The following SLC38A8 variants were observed in gnomAD, a reference collection of about 807,000 sequenced individuals.
The protein encoded by SLC38A8 is solute carrier family 38 member 8.
SLC38A8 carries 65 observed loss-of-function variants against 46.0 expected under a neutral mutation model. The observed-to-expected ratio is 1.41, with a 90% CI of 1.16 to 1.74. The LOEUF is 1.74. Among genes scored for constraint, SLC38A8 ranks in the 40% most tolerant of loss-of-function variants. The pLI is 0.00. For synonymous variants in SLC38A8, 447 were observed against 243.7 expected (o/e 1.83, Z -7.77); for missense variants, 998 against 567.9 (o/e 1.76, Z -7.70).
intron 7 of SLC38A8, 87 bp from the exon 8 acceptor site, chr16:84,017,374 T>TAC: frequency 6.7e-7 from 1 of 1,498,342 alleles, no homozygotes; most frequent in South Asian, 1.2e-5. Context: ...CGCCTGGCTT[T>TAC]ACCACCTAAG....
At chr16:84,019,082 A>C (rs979558100) in intron 7 of SLC38A8, among the ~76,000 whole-genome samples, 1 of 151,866 alleles carries the variant, frequency 6.6e-6, no homozygotes, top group Non-Finnish European at 1.5e-5. Flanking sequence ...TCTCCAAAAA[A>C]AATTTTTTTT....
intron 7 of SLC38A8, among the ~76,000 whole-genome samples, chr16:84,018,479 A>G (rs1414162471): frequency 6.6e-6 from 1 of 151,966 alleles, no homozygotes; most frequent in African/African-American, 2.4e-5. Flanking sequence ...CTGGCCTCCC[A>G]AAGTGCTGGG....
At chr16:84,024,272 G>A (rs58306621) in intron 6 of SLC38A8, among the ~76,000 whole-genome samples, 4 of 152,320 alleles carry the variant, frequency 2.6e-5, no homozygotes, top group African/African-American at 9.6e-5. Context: ...GTTCCCGGGG[G>A]CTTGACCATG....
intron 3 of SLC38A8, among the ~76,000 whole-genome samples, chr16:84,034,585 G>T (rs1567702315): frequency 6.6e-6 from 1 of 152,218 alleles, no homozygotes; most frequent in South Asian, 2.1e-4. Flanking sequence ...TGTTGGCCCT[G>T]AGGTGTCTTA....
At chr16:84,042,963 G>A (rs1312581669), upstream of SLC38A8, among the ~76,000 whole-genome samples, 1 of 152,182 alleles carries the variant, frequency 6.6e-6, no homozygotes, top group Non-Finnish European at 1.5e-5. Context: ...ATGATCTCAT[G>A]GCAGCTTCTG....
chr16:84,028,570 G>GAAAAAAAAAAAA (rs34104203), intron 6 of SLC38A8, among the ~76,000 whole-genome samples: 1 of 139,300 alleles, frequency 7.2e-6, no homozygotes, highest in African/African-American at 2.7e-5. Context: ...CTCAAAAAAA[G>GAAAAAAAAAAAA]AAAAAAAAAA....
chr16:84,025,061 C>CGT (rs964402967), intron 6 of SLC38A8, among the ~76,000 whole-genome samples: 1 of 152,132 alleles, frequency 6.6e-6, no homozygotes, highest in African/African-American at 2.4e-5. Flanking sequence ...CTGGGTGGGT[C>CGT]GTGGACATTG....
In SLC38A8 at chr16:84,021,324, C is replaced by A. The variant is rs908826774; in HGVS notation, c.805+1451G>T. The stretch of plus-strand genomic sequence containing the variant: ...AAGTGATCCACCTGCCTCGGCCTCC[C>A]AAAGTGCTGCGATGACAGGAGTGAG... On this transcript the variant is annotated intron_variant, in intron 7 of 10. Coordinates refer to ENST00000299709, the MANE Select transcript of SLC38A8 (RefSeq NM_001080442.3). Among the ~76,000 whole-genome samples the A allele has an allele frequency of 8.5e-5, 13 of 152,298 alleles. No homozygotes were observed. In the South Asian group the frequency reaches 2.7e-3, roughly 32 times the overall value.
In SLC38A8 at chr16:84,036,804, A is replaced by G. The variant is rs1322851395; in HGVS notation, c.286T>C (p.Cys96Arg). 1.2e-6 allele frequency: 2 copies of G among 1,613,988 alleles called. No individual in the cohort carries two copies. The highest frequency in any genetic ancestry group is 1.1e-5 in the South Asian group (1 of 91,082). ...CACAGCTTCCCAATGGCAGGGCCAC[A>G]CAGCCCCCTGACCACACCCTGGTAG... is the stretch of plus-strand genomic sequence containing the variant. ...ATYQGVVRGL[C>R]GPAIGKLCEA... Residue 96 changes from cysteine to arginine, a missense_variant, in exon 3 of 11, where the codon TGT becomes CGT. Physicochemically the swap from Cys to Arg is radical, Grantham distance 180. Transcript: ENST00000299709.
chr16:84,030,936 C>T (rs1037648781), intron 5 of SLC38A8, among the ~76,000 whole-genome samples: 1 of 152,190 alleles, frequency 6.6e-6, no homozygotes, highest in Non-Finnish European at 1.5e-5. Context: ...CTGAAGCCAC[C>T]AGGTCTGGGA....
At chr16:84,021,798 TAC>T (rs2085099199) in intron 7 of SLC38A8, among the ~76,000 whole-genome samples, 1 of 152,242 alleles carries the variant, frequency 6.6e-6, no homozygotes, top group South Asian at 2.1e-4. Flanking sequence ...GAAATTTTTT[TAC>T]AGTTATGGAG....
chr16:84,039,459 G>A (rs2085342636), intron 2 of SLC38A8, among the ~76,000 whole-genome samples: 3 of 152,102 alleles, frequency 2.0e-5, no homozygotes. Flanking sequence ...TTGAAAGGCA[G>A]GGGGGCCGGG....
rs1182007361 is a variant in SLC38A8 at position 84,042,211 on chromosome 16, C to G, written c.-2-52G>C. 7 of 1,535,164 alleles carry G rather than the reference C, an allele frequency of 4.6e-6. No individual in the cohort carries two copies. In the African/African-American group the frequency reaches 5.5e-5, roughly 12 times the overall value. On this transcript the variant is annotated intron_variant, in intron 1 of 10. Transcript: ENST00000299709. Reference sequence around the variant, plus strand: ...AAGCACAGTCTTCACGCTTTCCTCCCTAAGTTCTCGATATCCTTATTTGTC... The same window carrying G: ...AAGCACAGTCTTCACGCTTTCCTCCGTAAGTTCTCGATATCCTTATTTGTC...
intron 5 of SLC38A8, among the ~76,000 whole-genome samples, chr16:84,031,507 C>T (rs755222158): frequency 4.3e-4 from 65 of 152,350 alleles, no homozygotes; most frequent in Middle Eastern, 3.4e-3. Context: ...CTGGCTTGGC[C>T]ACACCGGCCT....
At chr16:84,039,775 G>A (rs2085347454) in intron 2 of SLC38A8, 1 of 148,204 alleles carries the variant, frequency 6.7e-6, no homozygotes, top group African/African-American at 2.5e-5. Context: ...AAAAGGCAGG[G>A]GAAGGTGTGG....
At chr16:84,027,819 G>C (rs1432946379) in intron 6 of SLC38A8, among the ~76,000 whole-genome samples, 1 of 152,188 alleles carries the variant, frequency 6.6e-6, no homozygotes, top group African/African-American at 2.4e-5. Context: ...GCAAGCATCG[G>C]GGAGGCGGCC....
chr16:84,023,923 T>A (rs1597261079), intron 6 of SLC38A8, among the ~76,000 whole-genome samples: 2 of 152,248 alleles, frequency 1.3e-5, no homozygotes, highest in South Asian at 4.1e-4. Flanking sequence ...CAGCAGAGAA[T>A]GTTTCCGTTA....
chr16:84,036,323 C>T (rs35672231), intron 3 of SLC38A8, among the ~76,000 whole-genome samples: 36,199 of 152,036 alleles, frequency 0.24, 4,326 homozygotes, highest in South Asian at 0.27. Flanking sequence ...AAGTCTTAGT[C>T]GGGAACTCGA....
intron 2 of SLC38A8, among the ~76,000 whole-genome samples, chr16:84,037,349 C>G (rs879930685): frequency 3.3e-5 from 5 of 152,180 alleles, no homozygotes; most frequent in African/African-American, 9.7e-5. Context: ...GGATGGCAAC[C>G]TCTGCTTTTC....
Sources: gnomAD v4.1 joint callset for allele counts (sites outside exome capture counted in the v4.1 genomes callset) on GRCh38, gnomAD v4.1.1 for gene constraint, MANE v1.5 for transcripts, NCBI Gene and HGNC (gene_info 2026-07-23, HGNC 2026-07-21) for gene names.